The following TEKT1 variants were observed in gnomAD, a reference collection of about 807,000 sequenced individuals.
TEKT1 encodes tektin-1.
A neutral mutation model predicts 34.8 loss-of-function variants in TEKT1; 32 were observed. The observed-to-expected ratio is 0.92, with a 90% confidence interval of 0.69 to 1.23. The LOEUF is 1.23. Among genes scored for constraint, TEKT1 ranks in the 50% most tolerant of loss-of-function variants. The pLI, the probability that TEKT1 is intolerant of heterozygous loss-of-function variation, is 0.00. For missense variants in TEKT1, 492 were observed against 518.5 expected (o/e 0.95, Z 0.50); for synonymous variants, 207 against 199.8 (o/e 1.04, Z -0.30).
chr17:6,827,701 A>C (rs1904450323), intron 2 of TEKT1, among the ~76,000 whole-genome samples: 1 of 152,180 alleles, frequency 6.6e-6, no homozygotes, highest in Non-Finnish European at 1.5e-5. Context: ...CAACACTTTT[A>C]AATACTAGGT....
intron 6 of TEKT1, among the ~76,000 whole-genome samples, chr17:6,806,115 G>A (rs1976841122): frequency 6.6e-6 from 1 of 152,108 alleles, no homozygotes; most frequent in Non-Finnish European, 1.5e-5. Context: ...TCTCTTTGTA[G>A]GTCTCTAAGG....
chr17:6,823,273 C>T (rs62061692), intron 2 of TEKT1, among the ~76,000 whole-genome samples: 8,519 of 152,246 alleles, frequency 0.056, 293 homozygotes, highest in South Asian at 0.084. Context: ...CAGTTTTGAG[C>T]ATTACAAGAT....
At chr17:6,812,748 G>A (rs72836283) in intron 6 of TEKT1, 83 bp downstream of exon 6, 37,605 of 1,349,678 alleles carry the variant, frequency 0.028, 628 homozygotes, top group South Asian at 0.053. Context: ...AAGTCTAGCG[G>A]TCTGGCCCAG....
chr17:6,808,696 A>T (rs1237939647), intron 6 of TEKT1, among the ~76,000 whole-genome samples: 1 of 152,240 alleles, frequency 6.6e-6, no homozygotes. Flanking sequence ...AAAAAAGATG[A>T]TGCTTTAAAT....
intron 3 of TEKT1, among the ~76,000 whole-genome samples, chr17:6,816,390 C>T (rs926674558): frequency 1.3e-5 from 2 of 152,170 alleles, no homozygotes; most frequent in African/African-American, 2.4e-5. Flanking sequence ...CAGCCCCCCA[C>T]ACCCTGACAG....
At position 6,800,005 on chromosome 17, in the gene TEKT1, A is replaced by G. The variant is rs1976744270; in HGVS notation, c.*22T>C. On this transcript the variant is annotated 3_prime_UTR_variant, in exon 8 of 8. Coordinates refer to ENST00000338694, the MANE Select transcript of TEKT1 (RefSeq NM_053285.2). ...CTACTGTTTACAATGTGGTTTAATG[A>G]GAATTGGAACTAGCCCTACTATTAG... is the stretch of plus-strand genomic sequence containing the variant. 6.3e-7 allele frequency: 1 copy of G among 1,592,168 alleles called. No homozygotes were observed. The highest frequency in any genetic ancestry group is 1.3e-5 in the African/African-American group (1 of 74,650).
chr17:6,831,599 G>A (rs904446436), intron 1 of TEKT1, 50 bp downstream of exon 1: 1 of 152,268 alleles, frequency 6.6e-6, no homozygotes, highest in South Asian at 2.1e-4. Context: ...TTGGTTAGGC[G>A]GGGAGGGTTG....
chr17:6,815,114 G>A, intron 5 of TEKT1, 49 bp downstream of exon 5: 1 of 1,568,788 alleles, frequency 6.4e-7, no homozygotes, highest in Non-Finnish European at 8.6e-7. Flanking sequence ...TTGCCTATCT[G>A]AGAAGCACTG....
intron 2 of TEKT1, among the ~76,000 whole-genome samples, chr17:6,823,598 C>A (rs1904320401): frequency 6.6e-6 from 1 of 152,114 alleles, no homozygotes; most frequent in Admixed American, 6.6e-5. Flanking sequence ...TGTGCTTAAT[C>A]CACCATGTAG....
Position 6,811,699 on chromosome 17 carries a change from G to A in TEKT1, c.852+1132C>T, listed in dbSNP as rs1269510560. ...ATGTGGCAACAGGACAGGGATTCAG[G>A]GGCTGAGAAGGCCTGGGCTCCACTC... is the stretch of plus-strand genomic sequence containing the variant. On this transcript the variant is annotated intron_variant, in intron 6 of 7. Transcript: ENST00000338694. The surrounding 1 kb of genome is among the most constrained non-coding windows in gnomAD (Gnocchi z 4.4). Among the ~76,000 whole-genome samples, 1 of 152,122 alleles carries A rather than the reference G, an allele frequency of 6.6e-6. No homozygotes were observed. Among genetic ancestry groups the A allele is most frequent in the Non-Finnish European group, 1.5e-5 (1 of 68,034 alleles).
rs183643597 is a variant in TEKT1 at position 6,800,727 on chromosome 17, C to T, written c.1049+20G>A. On this transcript the variant is annotated intron_variant, in intron 7 of 7. Coordinates refer to ENST00000338694, the MANE Select transcript of TEKT1 (RefSeq NM_053285.2). ...GGGATTGAGACCCGAAGGCCCTCTG[C>T]CCACTGGCTGCTAGCCTACCTTGCG... The T allele has an allele frequency of 7.4e-3, 11,889 of 1,600,984 alleles. 65 individuals are homozygous for T. The highest frequency in any genetic ancestry group is 8.8e-3 in the Non-Finnish European group (10,357 of 1,171,668).
chr17:6,800,459 G>C (rs1976753722), intron 7 of TEKT1, among the ~76,000 whole-genome samples: 1 of 152,222 alleles, frequency 6.6e-6, no homozygotes, highest in Admixed American at 6.5e-5. Flanking sequence ...GCGGCCACAG[G>C]CCAGATTCAT....
In TEKT1 at chr17:6,799,260, T is replaced by C. The variant is rs945822167; in HGVS notation, c.*767A>G. Reference sequence around the variant, plus strand: ...ACCATTAAAATAATTATAAAGACAATTTAGCAACATGAACAAAGGCTTGCA... The same window carrying C: ...ACCATTAAAATAATTATAAAGACAACTTAGCAACATGAACAAAGGCTTGCA... On this transcript the variant is annotated 3_prime_UTR_variant, in exon 8 of 8. Transcript: ENST00000338694. 3 of 152,136 alleles carry C rather than the reference T, an allele frequency of 2.0e-5. No homozygotes were observed. Among genetic ancestry groups the C allele is most frequent in the Admixed American group, 6.5e-5 (1 of 15,272 alleles). 9.4% of individuals were successfully genotyped at this position (152,136 alleles called of 1,614,324 possible). A position where few individuals can be genotyped will look rare whatever the true frequency, so the allele number is the denominator to read the frequency against.
chr17:6,807,048 T>C (rs1478542313), intron 6 of TEKT1, among the ~76,000 whole-genome samples: 1 of 152,230 alleles, frequency 6.6e-6, no homozygotes, highest in African/African-American at 2.4e-5. Flanking sequence ...TCCTGGATAA[T>C]ATACTGCAGA....
chr17:6,801,257 G>A (rs1477810356), intron 6 of TEKT1, among the ~76,000 whole-genome samples: 3 of 152,082 alleles, frequency 2.0e-5, no homozygotes, highest in Non-Finnish European at 4.4e-5. Context: ...TGCTCACCTT[G>A]GTACAGGGTA....
At chr17:6,826,657 TAGATAG>T in intron 2 of TEKT1, among the ~76,000 whole-genome samples, 1 of 151,106 alleles carries the variant, frequency 6.6e-6, no homozygotes, top group South Asian at 2.1e-4. Context: ...GATAGATAGA[TAGATAG>T]ATAGATAATA....
At chr17:6,812,098 G>A (rs1248268538) in intron 6 of TEKT1, among the ~76,000 whole-genome samples, 1 of 152,056 alleles carries the variant, frequency 6.6e-6, no homozygotes, top group African/African-American at 2.4e-5. Flanking sequence ...TAGTGAGAGA[G>A]TTCTCATGAG....
chr17:6,813,551 GACACACACACACAC>G (rs34316443), intron 5 of TEKT1, among the ~76,000 whole-genome samples: 14 of 135,192 alleles, frequency 1.0e-4, no homozygotes, highest in South Asian at 5.0e-4. Flanking sequence ...GAAGAAACCA[GACACACACACACAC>G]ACACACACAC....
intron 2 of TEKT1, among the ~76,000 whole-genome samples, chr17:6,821,941 C>CTGATCATGTGGTAGAAAAGAAAAA (rs1296045518): frequency 0.059 from 8,891 of 151,300 alleles, 755 homozygotes; most frequent in African/African-American, 0.18. Context: ...GCTCTGCTTC[C>CTGATCATGTGGTAGAAAAGAAAAA]CCCATTTTGG....
Sources: gnomAD v4.1 joint callset for allele counts (sites outside exome capture counted in the v4.1 genomes callset) on GRCh38, gnomAD v4.1.1 for gene constraint, Gnocchi (gnomAD v3.1) non-coding constraint, MANE v1.5 for transcripts, NCBI Gene and HGNC (gene_info 2026-07-23, HGNC 2026-07-21) for gene names.